PKIB: variants seen among roughly 807,000 people sequenced by gnomAD.
The protein encoded by PKIB is cAMP-dependent protein kinase inhibitor beta, also known as PKI-beta.
PKIB carries 2 observed loss-of-function variants against 4.5 expected under a neutral mutation model. The ratio of observed to expected loss-of-function variants is 0.44; its 90% CI spans 0.18 to 1.39. The LOEUF is 1.39. Among genes scored for constraint, PKIB ranks in the 40% most tolerant of loss-of-function variants. PKIB has a pLI of 0.27. For synonymous variants in PKIB, 38 were observed against 36.0 expected (o/e 1.06, Z -0.20); for missense variants, 94 against 92.6 (o/e 1.02, Z -0.06).
chr6:122,513,786 A>G lies in PKIB; in HGVS notation c.-248+35847A>G, dbSNP rs79926901. On this transcript the variant is annotated intron_variant, in intron 2 of 6. Coordinates refer to the PKIB transcript ENST00000392491. ...GGGATTATGGCCTCCAGCTGTATCTATGTTGCTGCAAAGGACATGACTTCG... is the reference window on the plus strand; with the variant it reads ...GGGATTATGGCCTCCAGCTGTATCTGTGTTGCTGCAAAGGACATGACTTCG... 2.2e-3 allele frequency among the ~76,000 whole-genome samples: 338 copies of G among 152,302 alleles called. 7 individuals are homozygous for G. The East Asian group carries it at 0.044, about 20-fold the overall frequency.
chr6:122,529,954 G>A (rs1777208164), intron 2 of PKIB, among the ~76,000 whole-genome samples: 1 of 151,996 alleles, frequency 6.6e-6, no homozygotes, highest in Admixed American at 6.6e-5. Context: ...TCAGCTTCTT[G>A]AATCCACATG....
chr6:122,664,743 G>T (rs1302380150), intron 2 of PKIB, among the ~76,000 whole-genome samples: 1 of 151,840 alleles, frequency 6.6e-6, no homozygotes, highest in African/African-American at 2.4e-5. Flanking sequence ...GTTTATTTTT[G>T]TTTTGTTTAT....
chr6:122,552,332 C>T (rs1465867958), intron 2 of PKIB, among the ~76,000 whole-genome samples: 1 of 152,002 alleles, frequency 6.6e-6, no homozygotes, highest in East Asian at 1.9e-4. Context: ...CCAGCAGCTT[C>T]CTCAGCATCT....
intron 3 of PKIB, among the ~76,000 whole-genome samples, chr6:122,677,640 G>C (rs1447846390): frequency 1.3e-5 from 2 of 152,178 alleles, no homozygotes; most frequent in Non-Finnish European, 2.9e-5. Flanking sequence ...AACCAGAGAA[G>C]ACTGTTGGAG....
At chr6:122,491,826 T>A (rs1284527904) in intron 2 of PKIB, among the ~76,000 whole-genome samples, 1 of 152,198 alleles carries the variant, frequency 6.6e-6, no homozygotes. Flanking sequence ...TGTACCTTGT[T>A]TTTATCTAGA....
intron 2 of PKIB, among the ~76,000 whole-genome samples, chr6:122,648,313 A>AT (rs1266285798): frequency 6.6e-6 from 1 of 152,182 alleles, no homozygotes; most frequent in African/African-American, 2.4e-5. Context: ...TGCCACTCTC[A>AT]TTTTCACCCC....
intron 2 of PKIB, among the ~76,000 whole-genome samples, chr6:122,527,360 C>T (rs1450655027): frequency 1.3e-5 from 2 of 151,914 alleles, no homozygotes; most frequent in Non-Finnish European, 2.9e-5. Context: ...TACAAGAGGA[C>T]CAGCTTTTGC....
chr6:122,626,049 A>C (rs1042896309), intron 1 of PKIB, among the ~76,000 whole-genome samples: 2 of 151,460 alleles, frequency 1.3e-5, no homozygotes, highest in East Asian at 4.0e-4. Context: ...AGCCTGGGTG[A>C]CAGAGAGAGA....
chr6:122,557,474 T>C (rs1772880818), intron 2 of PKIB, among the ~76,000 whole-genome samples: 1 of 152,180 alleles, frequency 6.6e-6, no homozygotes, highest in African/African-American at 2.4e-5. Flanking sequence ...AGAATCTTTT[T>C]CCCTGTAAGA....
chr6:122,642,017 C>T (rs774954034), intron 2 of PKIB, among the ~76,000 whole-genome samples: 6 of 152,180 alleles, frequency 3.9e-5, no homozygotes, highest in Non-Finnish European at 5.9e-5. Flanking sequence ...TTGAATTGAG[C>T]TTCAGCCAAT....
At chr6:122,501,078 TATC>T (rs979722573) in intron 2 of PKIB, among the ~76,000 whole-genome samples, 2 of 152,190 alleles carry the variant, frequency 1.3e-5, no homozygotes, top group African/African-American at 2.4e-5. Context: ...AGTCAAACCA[TATC>T]ATTCTGCCCC....
chr6:122,572,835 G>T (rs1207038338), intron 2 of PKIB, among the ~76,000 whole-genome samples: 1 of 152,020 alleles, frequency 6.6e-6, no homozygotes, highest in African/African-American at 2.4e-5. Context: ...TTCAAGGCTA[G>T]TATGAACACC....
intron 2 of PKIB, chr6:122,643,829 A>C (rs1236187792): frequency 3.9e-5 from 6 of 152,224 alleles, no homozygotes; most frequent in Non-Finnish European, 7.4e-5. Context: ...TAAAAGCTGC[A>C]CATAGACTGA....
At chr6:122,535,775 G>A (rs1432641481) in intron 2 of PKIB, among the ~76,000 whole-genome samples, 1 of 152,084 alleles carries the variant, frequency 6.6e-6, no homozygotes, top group Admixed American at 6.6e-5. Flanking sequence ...TCTAAGCTGT[G>A]GTTTCCTCAT....
chr6:122,684,050 C>T (rs562014590), intron 3 of PKIB, among the ~76,000 whole-genome samples: 17 of 152,240 alleles, frequency 1.1e-4, no homozygotes, highest in African/African-American at 2.9e-4. Context: ...AGTATGACAA[C>T]GTGGATAAAC....
chr6:122,598,656 A>G (rs1475704920), intron 3 of PKIB, among the ~76,000 whole-genome samples: 1 of 152,110 alleles, frequency 6.6e-6, no homozygotes, highest in Non-Finnish European at 1.5e-5. Flanking sequence ...GTCTAAAGTG[A>G]CTAATCCACT....
chr6:122,558,887 T>G (rs1772929774), intron 2 of PKIB, among the ~76,000 whole-genome samples: 1 of 152,196 alleles, frequency 6.6e-6, no homozygotes, highest in African/African-American at 2.4e-5. Flanking sequence ...TGTAGTCTTT[T>G]ATCCCTTGCT....
intron 3 of PKIB, among the ~76,000 whole-genome samples, chr6:122,593,411 A>G (rs1774075038): frequency 6.6e-6 from 1 of 152,168 alleles, no homozygotes; most frequent in African/African-American, 2.4e-5. Flanking sequence ...TTAATAAGGA[A>G]CCATTAAGTC....
At chr6:122,683,925 T>C (rs995211859) in intron 3 of PKIB, among the ~76,000 whole-genome samples, 1 of 152,248 alleles carries the variant, frequency 6.6e-6, no homozygotes, top group African/African-American at 2.4e-5. Flanking sequence ...CCCATGTTCA[T>C]TACAGCACTA....
Sources: allele counts gnomAD v4.1 joint callset (sites outside exome capture counted in the v4.1 genomes callset), GRCh38; gene constraint gnomAD v4.1.1; transcripts MANE v1.5; gene names NCBI Gene and HGNC (gene_info 2026-07-23, HGNC 2026-07-21).